The following KCND2 variants were observed in gnomAD, a reference collection of about 807,000 sequenced individuals.
The protein encoded by KCND2 is A-type voltage-gated potassium channel KCND2.
A neutral mutation model predicts 54.4 loss-of-function variants in KCND2; 16 were observed. The observed-to-expected ratio is 0.29, with a 90% CI of 0.20 to 0.45. The LOEUF (loss-of-function observed/expected upper bound fraction) is 0.45. Among genes scored for constraint, KCND2 ranks in the 20% least tolerant of loss-of-function variants. The pLI is 1.00. For missense variants in KCND2, 486 were observed against 824.2 expected, an observed-to-expected ratio of 0.59 and a Z score of 5.02; for synonymous variants, 317 against 310.7, an observed-to-expected ratio of 1.02 and a Z score of -0.21.
intron 1 of KCND2, among the ~76,000 whole-genome samples, chr7:120,378,931 T>C (rs550558094): frequency 1.3e-5 from 2 of 152,016 alleles, no homozygotes; most frequent in Non-Finnish European, 1.5e-5. Context: ...TGCTGGAAAT[T>C]TATATGCATG....
At chr7:120,511,727 T>G (rs2116332488) in intron 1 of KCND2, among the ~76,000 whole-genome samples, 1 of 152,248 alleles carries the variant, frequency 6.6e-6, no homozygotes, top group South Asian at 2.1e-4. Flanking sequence ...GACTGTAATT[T>G]GAGGATAATA....
intron 1 of KCND2, among the ~76,000 whole-genome samples, chr7:120,381,588 T>TTAA (rs1259542126): frequency 1.1e-4 from 16 of 152,044 alleles, no homozygotes; most frequent in African/African-American, 2.9e-4. Context: ...TAAAAATAAA[T>TTAA]TAATGGGGTA....
chr7:120,363,961 A>G (rs949510201), intron 1 of KCND2, among the ~76,000 whole-genome samples: 7 of 152,110 alleles, frequency 4.6e-5, no homozygotes, highest in Non-Finnish European at 1.5e-5. Flanking sequence ...ACTTTTGCCC[A>G]GATACTCACT....
At chr7:120,467,615 A>G (rs957353336) in intron 1 of KCND2, among the ~76,000 whole-genome samples, 1 of 152,156 alleles carries the variant, frequency 6.6e-6, no homozygotes, top group African/African-American at 2.4e-5. Context: ...AAGTTAGGCA[A>G]AAATGCTACC....
chr7:120,494,689 G>A (rs1802826406), intron 1 of KCND2, among the ~76,000 whole-genome samples: 1 of 152,136 alleles, frequency 6.6e-6, no homozygotes, highest in Non-Finnish European at 1.5e-5. Context: ...AGTATGGCTG[G>A]AGATATATTC....
intron 1 of KCND2, among the ~76,000 whole-genome samples, chr7:120,503,546 T>C (rs1584804519): frequency 6.6e-6 from 1 of 151,964 alleles, no homozygotes; most frequent in East Asian, 1.9e-4. Context: ...TCCTCCCTCA[T>C]ATTATTTTTC....
At chr7:120,329,246 C>T (rs557047772) in intron 1 of KCND2, among the ~76,000 whole-genome samples, 39 of 151,750 alleles carry the variant, frequency 2.6e-4, no homozygotes, top group Admixed American at 7.9e-4. Flanking sequence ...CTCAGCCTCC[C>T]GAGTAGCTGG....
chr7:120,310,001 T>A (rs1799714211), intron 1 of KCND2, among the ~76,000 whole-genome samples: 1 of 152,196 alleles, frequency 6.6e-6, no homozygotes, highest in Non-Finnish European at 1.5e-5. Flanking sequence ...CAAATCTCAG[T>A]TTTTACTTCT....
At position 120,421,479 on chromosome 7, in the gene KCND2, A is replaced by G. The variant is rs6972256; in HGVS notation, c.1115+145732A>G. 1.9e-3 allele frequency among the ~76,000 whole-genome samples: 289 copies of G among 152,330 alleles called. 2 individuals carry two copies. The highest frequency in any genetic ancestry group is 3.6e-3 in the Non-Finnish European group (242 of 68,032). Reference sequence around the variant, plus strand: ...TTTTGCATAATGGAAACATGAACACATTCATTGCAGTGCTATTTTGAAGAC... The same window carrying G: ...TTTTGCATAATGGAAACATGAACACGTTCATTGCAGTGCTATTTTGAAGAC... On this transcript the variant is annotated intron_variant, in intron 1 of 5. Coordinates refer to ENST00000331113, the MANE Select transcript of KCND2 (RefSeq NM_012281.3).
chr7:120,650,253 C>A (rs1791712715), intron 1 of KCND2, among the ~76,000 whole-genome samples: 1 of 143,060 alleles, frequency 7.0e-6, no homozygotes, highest in African/African-American at 2.8e-5. Context: ...TCAGGTACAC[C>A]AATCAGCTGT....
intron 1 of KCND2, among the ~76,000 whole-genome samples, chr7:120,669,461 C>T (rs545927836): frequency 9.2e-5 from 14 of 152,080 alleles, no homozygotes; most frequent in African/African-American, 2.9e-4. Context: ...TTATTGCCAA[C>T]ATTTTTTGAC....
chr7:120,339,231 A>G (rs573626291), intron 1 of KCND2, among the ~76,000 whole-genome samples: 1 of 152,132 alleles, frequency 6.6e-6, no homozygotes, highest in East Asian at 1.9e-4. Flanking sequence ...CTTAGGCAAC[A>G]GTATATAACA....
intron 1 of KCND2, among the ~76,000 whole-genome samples, chr7:120,582,942 CTG>C (rs1218165285): frequency 8.0e-6 from 1 of 125,018 alleles, no homozygotes; most frequent in East Asian, 2.1e-4. Context: ...TTGCATTGCT[CTG>C]TGTGTGTGTA....
At chr7:120,361,646 G>A (rs935320852) in intron 1 of KCND2, among the ~76,000 whole-genome samples, 25 of 152,110 alleles carry the variant, frequency 1.6e-4, no homozygotes, top group Middle Eastern at 3.4e-3. Context: ...AAAGGAGAAG[G>A]CCATGATAGA....
chr7:120,572,203 A>T (rs891163932), intron 1 of KCND2, among the ~76,000 whole-genome samples: 1 of 152,104 alleles, frequency 6.6e-6, no homozygotes, highest in Non-Finnish European at 1.5e-5. Context: ...AGTAAATTAA[A>T]ATACAGCCCA....
Position 120,749,594 on chromosome 7 carries a change from T to A in KCND2, c.*1736T>A, listed in dbSNP as rs727228. ...AAAAGGGATTAATCCAACCATTTTC[T>A]AGTAAAGCCAGAAATTCTTGCTTCC... is the stretch of plus-strand genomic sequence containing the variant. On this transcript the variant is annotated 3_prime_UTR_variant, in exon 6 of 6. Coordinates refer to ENST00000331113, the MANE Select transcript of KCND2 (RefSeq NM_012281.3). 57,942 of 152,092 alleles carry A rather than the reference T, an allele frequency of 0.38. 14,048 individuals are homozygous for A. Among genetic ancestry groups the A allele is most frequent in the African/African-American group, 0.68 (28,380 of 41,446 alleles). The allele number at this position is 152,092 out of a possible 1,614,324, so 9.4% of individuals were successfully genotyped here.
At chr7:120,706,310 T>C (rs1792467992) in intron 1 of KCND2, among the ~76,000 whole-genome samples, 1 of 152,176 alleles carries the variant, frequency 6.6e-6, no homozygotes, top group Non-Finnish European at 1.5e-5. Flanking sequence ...CATTTTGTGC[T>C]GCTACAACAG....
At chr7:120,471,138 A>G (rs760824085) in intron 1 of KCND2, among the ~76,000 whole-genome samples, 1 of 152,092 alleles carries the variant, frequency 6.6e-6, no homozygotes, top group Non-Finnish European at 1.5e-5. Flanking sequence ...TATAACATGT[A>G]AGTAAGGAAA....
chr7:120,309,630 A>G (rs916830321), intron 1 of KCND2, among the ~76,000 whole-genome samples: 2 of 151,582 alleles, frequency 1.3e-5, no homozygotes, highest in African/African-American at 4.8e-5. Context: ...CACAAATATT[A>G]ACTCATATAA....
Sources: allele counts gnomAD v4.1 joint callset (sites outside exome capture counted in the v4.1 genomes callset), GRCh38; gene constraint gnomAD v4.1.1; transcripts MANE v1.5; gene names NCBI Gene and HGNC (gene_info 2026-07-23, HGNC 2026-07-21).